The following NOD2 variants were observed in gnomAD, a reference collection of about 807,000 sequenced individuals.
NOD2 encodes nucleotide-binding oligomerization domain-containing protein 2.
Under a neutral mutation model 90.9 loss-of-function variants are expected in NOD2, and 86 were observed. The ratio of observed to expected loss-of-function variants is 0.95; its 90% confidence interval spans 0.79 to 1.13. The LOEUF is 1.13. Ranked by LOEUF, NOD2 falls within the 50% of genes most tolerant of loss-of-function variation. The pLI is 0.00. For synonymous variants in NOD2, 581 were observed against 554.6 expected, an observed-to-expected ratio of 1.05 and a Z score of -0.67; for missense variants, 1,238 against 1,283.8, an observed-to-expected ratio of 0.96 and a Z score of 0.55.
At position 50,710,745 on chromosome 16, in the gene NOD2, G is replaced by A. The variant is rs1039641239; in HGVS notation, c.753G>A (p.Leu251=). The A allele has an allele frequency of 1.2e-6, 2 of 1,613,862 alleles. No homozygotes were observed. The highest frequency in any genetic ancestry group is 2.7e-5 in the African/African-American group (2 of 74,906). The change falls in exon 4 of 12, where the codon CTG becomes CTA. Residue 251 remains leucine (L), a synonymous_variant. Coordinates refer to ENST00000647318, the MANE Select transcript of NOD2 (RefSeq NM_001370466.1). ...AGAAGAGCCCAGCCACCCTGGGCCTGGAGGAGCTCTTCAGCACCCCTGGCC... is the reference window on the plus strand; with the variant it reads ...AGAAGAGCCCAGCCACCCTGGGCCTAGAGGAGCTCTTCAGCACCCCTGGCC... The part of the protein sequence containing the change: ...PPQKSPATLG[L]EELFSTPGHL...
intron 10 of NOD2, among the ~76,000 whole-genome samples, chr16:50,725,820 T>A (rs5743292): frequency 0.021 from 3,249 of 152,060 alleles, 52 homozygotes; most frequent in Non-Finnish European, 0.033. Context: ...AAAGGGGAGT[T>A]ATCAAGCCAG....
At position 50,711,225 on chromosome 16, in the gene NOD2, C is replaced by A. The variant is rs773440974; in HGVS notation, c.1233C>A (p.Ile411=). The A allele has an allele frequency of 1.4e-5, 22 of 1,614,026 alleles. No individual in the cohort carries two copies. The highest frequency in any genetic ancestry group is 1.8e-5 in the Non-Finnish European group (21 of 1,180,034). The change falls in exon 4 of 12, where the codon ATC becomes ATA. Residue 411 remains isoleucine, a synonymous_variant. Coordinates refer to ENST00000647318, the MANE Select transcript of NOD2 (RefSeq NM_001370466.1). ...AAVSAFLRKY[I]RTEFNLKGFS... is the part of the protein sequence containing the mutation. ...TGTCGGCGTTCCTCAGGAAGTACATCCGCACCGAGTTCAACCTCAAGGGCT... is the reference window on the plus strand; with the variant it reads ...TGTCGGCGTTCCTCAGGAAGTACATACGCACCGAGTTCAACCTCAAGGGCT...
At chr16:50,697,327 C>T (rs1419548243) in intron 1 of NOD2, 8 of 1,552,962 alleles carry the variant, frequency 5.2e-6, no homozygotes, top group Non-Finnish European at 7.0e-6. Context: ...GTAAGAGGAG[C>T]AGGCATTGTC....
At chr16:50,722,245 A>C (rs1965091863) in intron 7 of NOD2, among the ~76,000 whole-genome samples, 1 of 152,186 alleles carries the variant, frequency 6.6e-6, no homozygotes, top group Non-Finnish European at 1.5e-5. Flanking sequence ...CAGGTACTGG[A>C]GGGTAGCTAA....
rs1276079957 is a variant in NOD2 at position 50,693,681 on chromosome 16, G to C, written c.-9+19G>C. On this transcript the variant is annotated intron_variant, in intron 1 of 11. Transcript: ENST00000647318. ...GCTCGCGGTGAGTGCTGTGCCCAGC[G>C]CCTGGGGGTGGGCTGGGGGGAGACT... is the stretch of plus-strand genomic sequence containing the variant. 1 of 152,308 alleles carries C rather than the reference G, an allele frequency of 6.6e-6. No homozygotes were observed. The highest frequency in any genetic ancestry group is 1.5e-5 in the Non-Finnish European group (1 of 68,116). The allele number at this position is 152,308 out of a possible 1,614,324, so 9.4% of individuals were successfully genotyped here. A position where few individuals can be genotyped will look rare whatever the true frequency, so the allele number is the denominator to read the frequency against.
At position 50,711,897 on chromosome 16, in the gene NOD2, G is replaced by T. The variant is rs1410917662; in HGVS notation, c.1905G>T (p.Leu635Phe). Residue 635 changes from leucine (L) to phenylalanine (F), a missense_variant, in exon 4 of 12, where the codon TTG becomes TTT. Coordinates refer to ENST00000647318, the MANE Select transcript of NOD2 (RefSeq NM_001370466.1). ...SEGKDSSVAA[L>F]LQKAEPHNLQ... ...GAAAGGACAGCAGCGTGGCAGCTTT[G>T]CTGCAGAAGGCCGAGCCGCACAACC... 3 of 1,608,378 alleles carry T rather than the reference G, an allele frequency of 1.9e-6. No homozygotes were observed. In the East Asian group the frequency reaches 6.7e-5, roughly 36 times the overall value.
At chr16:50,698,181 T>G (rs573019098) in intron 1 of NOD2, 2 of 152,494 alleles carry the variant, frequency 1.3e-5, no homozygotes, top group African/African-American at 4.8e-5. Flanking sequence ...GCAGCAGCCC[T>G]TGTCCACAGA....
rs562668583 is a variant in NOD2 at position 50,694,466 on chromosome 16, T to C, written c.-9+804T>C. Among the ~76,000 whole-genome samples the C allele has an allele frequency of 2.0e-3, 308 of 152,090 alleles. 2 individuals carry two copies. The highest frequency in any genetic ancestry group is 2.4e-3 in the Non-Finnish European group (166 of 67,974). On this transcript the variant is annotated intron_variant, in intron 1 of 11. Transcript: ENST00000647318. Reference sequence around the variant, plus strand: ...CATGGGGCTGCTGGGGCCCCTGAGTTTGTTGGCTGCTCAAGGCCCCTTTGC... The same window carrying C: ...CATGGGGCTGCTGGGGCCCCTGAGTCTGTTGGCTGCTCAAGGCCCCTTTGC...
chr16:50,711,922 C>T lies in NOD2; in HGVS notation c.1930C>T (p.Leu644Phe). The change falls in exon 4 of 12, where the codon CTT (leucine) becomes TTT (phenylalanine). Residue 644 changes from leucine (L) to phenylalanine (F), a missense_variant. Physicochemically the swap from Leu to Phe is conservative, Grantham distance 22. Transcript: ENST00000647318. ...GCTGCAGAAGGCCGAGCCGCACAAC[C>T]TTCAGATCACAGCAGCCTTCCTGGC... is the stretch of plus-strand genomic sequence containing the variant. Reference protein sequence around the residue: ...ALLQKAEPHNLQITAAFLAGL... With the variant: ...ALLQKAEPHNFQITAAFLAGL... 1.2e-6 allele frequency: 2 copies of T among 1,611,032 alleles called. No homozygotes were observed. Among genetic ancestry groups the T allele is most frequent in the South Asian group, 1.1e-5 (1 of 90,894 alleles).
chr16:50,722,956 ATTT>A (rs981541367), intron 8 of NOD2, among the ~76,000 whole-genome samples: 5 of 152,104 alleles, frequency 3.3e-5, no homozygotes, highest in African/African-American at 1.2e-4. Flanking sequence ...GATCAGGTAC[ATTT>A]TATCTTAAGG....
At chr16:50,722,841 T>C (rs979038110) in intron 8 of NOD2, 136 bp downstream of exon 8, 4 of 850,756 alleles carry the variant, frequency 4.7e-6, no homozygotes, top group African/African-American at 3.3e-5. Flanking sequence ...AAAAAGACCA[T>C]TGGATTTCAA....
chr16:50,729,839 C>T lies in NOD2; in HGVS notation c.2907C>T (p.Thr969=), dbSNP rs1596917777. Residue 969 remains threonine (T), a synonymous_variant, in exon 11 of 12, where the codon ACC becomes ACT. Transcript: ENST00000647318. ...CCAGGTTGTCCAATAACTGCATCACCTACCTAGGGGCAGAAGCCCTCCTGC... is the reference window on the plus strand; with the variant it reads ...CCAGGTTGTCCAATAACTGCATCACTTACCTAGGGGCAGAAGCCCTCCTGC... ...KILKLSNNCI[T]YLGAEALLQA... 1 of 1,612,960 alleles carries T rather than the reference C, an allele frequency of 6.2e-7. No homozygotes were observed.
At position 50,732,379 on chromosome 16, in the gene NOD2, G is replaced by A. The variant is rs1402675935; in HGVS notation, c.*560G>A. On this transcript the variant is annotated 3_prime_UTR_variant, in exon 12 of 12. Coordinates refer to ENST00000647318, the MANE Select transcript of NOD2 (RefSeq NM_001370466.1). The stretch of plus-strand genomic sequence containing the variant: ...TCTGAGGCTGAAATTCAGAATATTA[G>A]TGACCTCAGCTTTGATATTTCACTT... 1 of 167,972 alleles carries A rather than the reference G, an allele frequency of 6.0e-6. No homozygotes were observed. The highest frequency in any genetic ancestry group is 1.3e-5 in the Non-Finnish European group (1 of 75,786). The allele number at this position is 167,972 out of a possible 1,614,324, so 10.4% of individuals were successfully genotyped here. A position where few individuals can be genotyped will look rare whatever the true frequency, so the allele number is the denominator to read the frequency against.
intron 4 of NOD2, among the ~76,000 whole-genome samples, chr16:50,714,446 C>A (rs1964686743): frequency 6.6e-6 from 1 of 152,114 alleles, no homozygotes; most frequent in East Asian, 1.9e-4. Flanking sequence ...TACAAGTGGT[C>A]TCGCCCTGGG....
intron 2 of NOD2, among the ~76,000 whole-genome samples, chr16:50,700,403 C>A (rs1387243727): frequency 6.6e-6 from 1 of 152,198 alleles, no homozygotes; most frequent in Non-Finnish European, 1.5e-5. Context: ...GGATTGCAGG[C>A]ATGAGCCACT....
At chr16:50,709,591 G>A (rs976839933) in intron 3 of NOD2, among the ~76,000 whole-genome samples, 1 of 152,156 alleles carries the variant, frequency 6.6e-6, no homozygotes, top group Non-Finnish European at 1.5e-5. Context: ...GGAAGTGGAG[G>A]CAGGATCACA....
At chr16:50,719,881 G>T in intron 6 of NOD2, 44 bp from the exon 7 acceptor site, 1 of 1,571,480 alleles carries the variant, frequency 6.4e-7, no homozygotes, top group Non-Finnish European at 8.8e-7. Flanking sequence ...CTCCTTTTCT[G>T]CCTGCCGCTG....
intron 6 of NOD2, 143 bp downstream of exon 6, chr16:50,717,117 G>A: frequency 1.3e-6 from 1 of 759,106 alleles, no homozygotes; most frequent in Non-Finnish European, 2.3e-6. Context: ...TTTTAAGCAG[G>A]GGTTCTCTAA....
At chr16:50,725,049 T>C (rs1159526755) in intron 9 of NOD2, among the ~76,000 whole-genome samples, 1 of 152,172 alleles carries the variant, frequency 6.6e-6, no homozygotes, top group Non-Finnish European at 1.5e-5. Context: ...CCATCTGGGT[T>C]CTCTCCTTTA....
Sources: allele counts gnomAD v4.1 joint callset (sites outside exome capture counted in the v4.1 genomes callset), GRCh38; gene constraint gnomAD v4.1.1; transcripts MANE v1.5; gene names NCBI Gene and HGNC (gene_info 2026-07-23, HGNC 2026-07-21).